The following ERG variants were observed in gnomAD, a reference collection of about 807,000 sequenced individuals.
The protein encoded by ERG is transcriptional regulator ERG.
A neutral mutation model predicts 55.3 loss-of-function variants in ERG; 9 were observed. The ratio of observed to expected loss-of-function variants is 0.16; its 90% CI spans 0.10 to 0.28. The LOEUF is 0.28. Ranked by LOEUF, ERG falls within the 10% of genes least tolerant of loss-of-function variation. ERG has a pLI of 1.00. For synonymous variants in ERG, 223 were observed against 237.3 expected, an observed-to-expected ratio of 0.94 and a Z score of 0.55; for missense variants, 434 against 631.6, an observed-to-expected ratio of 0.69 and a Z score of 3.35.
At chr21:38,608,159 G>GATTTTTAAAAATC (rs2060206809) in intron 1 of ERG, among the ~76,000 whole-genome samples, 1 of 152,142 alleles carries the variant, frequency 6.6e-6, no homozygotes, top group Non-Finnish European at 1.5e-5. Flanking sequence ...CAGCCTGGAT[G>GATTTTTAAAAATC]ATTTTTAAAA....
At chr21:38,540,218 A>G (rs1045340614) in intron 2 of ERG, among the ~76,000 whole-genome samples, 20 of 152,002 alleles carry the variant, frequency 1.3e-4, no homozygotes, top group African/African-American at 4.1e-4. Flanking sequence ...ATTCAAACAT[A>G]TTTGGTTTCT....
At chr21:38,537,546 A>C (rs943503200) in intron 2 of ERG, among the ~76,000 whole-genome samples, 1 of 152,138 alleles carries the variant, frequency 6.6e-6, no homozygotes, top group Non-Finnish European at 1.5e-5. Flanking sequence ...CAAAGATAAC[A>C]CTAATGGCCA....
intron 1 of ERG, among the ~76,000 whole-genome samples, chr21:38,457,219 G>A (rs918562760): frequency 7.2e-5 from 11 of 152,134 alleles, no homozygotes; most frequent in Non-Finnish European, 1.5e-4. Context: ...GGCAGACCAC[G>A]AGGTCAGGAG....
chr21:38,583,922 T>A (rs1402760640), intron 1 of ERG, among the ~76,000 whole-genome samples: 1 of 152,192 alleles, frequency 6.6e-6, no homozygotes, highest in Non-Finnish European at 1.5e-5. Flanking sequence ...TGTTTTAAGC[T>A]ACCCAGTTCA....
chr21:38,591,120 T>C (rs2060098001), intron 1 of ERG, among the ~76,000 whole-genome samples: 1 of 152,038 alleles, frequency 6.6e-6, no homozygotes, highest in African/African-American at 2.4e-5. Context: ...AGGAGGAAAC[T>C]AGGAAAGATC....
intron 1 of ERG, among the ~76,000 whole-genome samples, chr21:38,660,189 G>T (rs1312602157): frequency 6.6e-6 from 1 of 152,190 alleles, no homozygotes; most frequent in Non-Finnish European, 1.5e-5. Flanking sequence ...CCAAGCGTCA[G>T]CTTTTTTAGT....
chr21:38,586,428 T>A (rs1322784507), upstream of ERG, among the ~76,000 whole-genome samples: 1 of 152,110 alleles, frequency 6.6e-6, no homozygotes, highest in Non-Finnish European at 1.5e-5. Flanking sequence ...TCCTCCTGTC[T>A]AACTGAAATT....
chr21:38,652,607 A>G (rs2060494868), intron 1 of ERG, among the ~76,000 whole-genome samples: 1 of 152,218 alleles, frequency 6.6e-6, no homozygotes, highest in Admixed American at 6.5e-5. Context: ...ACGTCTCCAA[A>G]TAATGAAATC....
intron 1 of ERG, among the ~76,000 whole-genome samples, chr21:38,489,737 G>A (rs1236565608): frequency 6.6e-6 from 1 of 152,210 alleles, no homozygotes; most frequent in African/African-American, 2.4e-5. Flanking sequence ...CTTTTCCTTT[G>A]TTTCTTTATT....
At position 38,498,264 on chromosome 21, in the gene ERG, G is replaced by A; in HGVS notation, c.18+99C>T. 1.0e-6 allele frequency: 1 copy of A among 995,916 alleles called. No homozygotes were observed. The highest frequency in any genetic ancestry group is 2.4e-5 in the East Asian group (1 of 41,492). The allele number at this position is 995,916 out of a possible 1,614,324, so 61.7% of individuals were successfully genotyped here. On this transcript the variant is annotated intron_variant, in intron 1 of 9. Transcript: ENST00000288319. This position sits in a 1 kb window ranked among gnomAD's most constrained non-coding sequence, Gnocchi z 4.6. The stretch of plus-strand genomic sequence containing the variant: ...GTTGTCCTCTATTGTGGCAGTGGGG[G>A]TGTTGCCCAACCCTAACTTATCTGC...
intron 1 of ERG, among the ~76,000 whole-genome samples, chr21:38,477,683 G>A (rs954425972): frequency 2.0e-5 from 3 of 152,158 alleles, no homozygotes; most frequent in African/African-American, 4.8e-5. Flanking sequence ...TTATGGACAT[G>A]ATACTAACAA....
At chr21:38,402,311 G>A (rs1007637345) in intron 5 of ERG, among the ~76,000 whole-genome samples, 2 of 152,268 alleles carry the variant, frequency 1.3e-5, no homozygotes, top group Admixed American at 1.3e-4. Context: ...GGCAAATTCT[G>A]CACGTCTCCT....
In ERG at chr21:38,429,603, A is replaced by G. The variant is rs1429485130; in HGVS notation, c.237-6042T>C. Among the ~76,000 whole-genome samples, 4 of 147,304 alleles carry G rather than the reference A, an allele frequency of 2.7e-5. 1 individual carries two copies. Among genetic ancestry groups the G allele is most frequent in the African/African-American group, 1.0e-4 (4 of 39,912 alleles). On this transcript the variant is annotated intron_variant, in intron 2 of 9. Transcript: ENST00000288319. Reference sequence around the variant, plus strand: ...TATACATATGTGTATATGTACATGTATACACATGTACATATATACATATGT... The same window carrying G: ...TATACATATGTGTATATGTACATGTGTACACATGTACATATATACATATGT...
chr21:38,426,550 C>T lies in ERG; in HGVS notation c.237-2989G>A, dbSNP rs981421449. ...CATTTAGACAGCTGTTATCAAGTGCCGGCCGTATACCAGGTCCCATCAATT... is the reference window on the plus strand; with the variant it reads ...CATTTAGACAGCTGTTATCAAGTGCTGGCCGTATACCAGGTCCCATCAATT... On this transcript the variant is annotated intron_variant, in intron 2 of 9. Transcript: ENST00000288319. Among the ~76,000 whole-genome samples, 18 of 152,106 alleles carry T rather than the reference C, an allele frequency of 1.2e-4. No individual in the cohort carries two copies. In the South Asian group the frequency reaches 1.2e-3, roughly 11 times the overall value.
intron 3 of ERG, among the ~76,000 whole-genome samples, chr21:38,418,915 G>C (rs1199759501): frequency 8.5e-6 from 1 of 117,818 alleles, no homozygotes; most frequent in African/African-American, 3.2e-5. Context: ...GAACAAGAGC[G>C]AGACTTTGTC....
chr21:38,477,501 C>G (rs931784951), intron 1 of ERG, among the ~76,000 whole-genome samples: 1 of 151,952 alleles, frequency 6.6e-6, no homozygotes, highest in Admixed American at 6.6e-5. Flanking sequence ...CGTAACCAGT[C>G]GAGTTAACCA....
intron 1 of ERG, among the ~76,000 whole-genome samples, chr21:38,617,240 T>G (rs1365754803): frequency 6.6e-6 from 1 of 152,196 alleles, no homozygotes; most frequent in African/African-American, 2.4e-5. Flanking sequence ...TTTTAACAAT[T>G]TAATGAAAAA....
At chr21:38,659,353 T>C (rs574894407) in intron 1 of ERG, among the ~76,000 whole-genome samples, 280 of 152,360 alleles carry the variant, frequency 1.8e-3, no homozygotes, top group Admixed American at 4.2e-3. Flanking sequence ...TTAATTTACA[T>C]GGTTGGGTTC....
At chr21:38,522,865 G>A (rs1028062894) in intron 2 of ERG, among the ~76,000 whole-genome samples, 8 of 152,158 alleles carry the variant, frequency 5.3e-5, no homozygotes, top group African/African-American at 1.7e-4. Context: ...GAACAACGAC[G>A]TTGCTCTGAC....
Sources: allele counts gnomAD v4.1 joint callset (sites outside exome capture counted in the v4.1 genomes callset), GRCh38; gene constraint gnomAD v4.1.1; non-coding constraint Gnocchi (gnomAD v3.1); transcripts MANE v1.5; gene names NCBI Gene and HGNC (gene_info 2026-07-23, HGNC 2026-07-21).